Variants in PTDSS1 observed in about 807,000 individuals in gnomAD.
The protein encoded by PTDSS1 is phosphatidylserine synthase 1.
A neutral mutation model predicts 70.5 loss-of-function variants in PTDSS1; 45 were observed. That is an observed-to-expected ratio of 0.64 (90% confidence interval 0.50 to 0.82). The LOEUF is 0.82. Ranked by LOEUF, PTDSS1 falls within the 40% of genes least tolerant of loss-of-function variation. The pLI, the probability that PTDSS1 is intolerant of heterozygous loss-of-function variation, is 0.00. For synonymous variants in PTDSS1, 188 were observed against 203.8 expected (o/e 0.92, Z 0.66); for missense variants, 417 against 586.1 (o/e 0.71, Z 2.98).
At chr8:96,287,714 A>C (rs964456192) in intron 4 of PTDSS1, among the ~76,000 whole-genome samples, 3 of 148,912 alleles carry the variant, frequency 2.0e-5, no homozygotes, top group Non-Finnish European at 3.0e-5. Flanking sequence ...GTCATGAATT[A>C]GTTTATTTCA....
intron 4 of PTDSS1, among the ~76,000 whole-genome samples, chr8:96,293,781 A>G (rs1262916462): frequency 6.6e-6 from 1 of 152,324 alleles, no homozygotes; most frequent in East Asian, 1.9e-4. Flanking sequence ...AACAGATCTT[A>G]CCCCTTCCTT....
chr8:96,332,242 G>A (rs952160361), intron 12 of PTDSS1, among the ~76,000 whole-genome samples: 2 of 152,132 alleles, frequency 1.3e-5, no homozygotes, highest in African/African-American at 2.4e-5. Flanking sequence ...TAATGACATT[G>A]AGGTGATTTC....
intron 7 of PTDSS1, among the ~76,000 whole-genome samples, 156 bp downstream of exon 7, chr8:96,304,337 G>A (rs902535208): frequency 6.6e-6 from 1 of 152,206 alleles, no homozygotes; most frequent in Non-Finnish European, 1.5e-5. Context: ...ATTAAGCAAA[G>A]TGATGTTGTT....
rs1344657983 is a variant in PTDSS1 at position 96,333,599 on chromosome 8, G to A, written c.*33G>A. ...TGGTTAATCAAAGATGTTCCAGAGT[G>A]CCTAGAACTGAGAGGGAAATGGAAC... is the stretch of plus-strand genomic sequence containing the variant. On this transcript the variant is annotated 3_prime_UTR_variant, in exon 13 of 13. Coordinates refer to ENST00000517309, the MANE Select transcript of PTDSS1 (RefSeq NM_014754.3). The A allele has an allele frequency of 6.4e-6, 10 of 1,562,814 alleles. No individual in the cohort carries two copies. The African/African-American group carries it at 6.8e-5, about 11-fold the overall frequency.
chr8:96,327,916 A>G (rs1324623221), intron 10 of PTDSS1, among the ~76,000 whole-genome samples: 1 of 152,130 alleles, frequency 6.6e-6, no homozygotes, highest in Non-Finnish European at 1.5e-5. Flanking sequence ...GTACGTGCCT[A>G]GATTTCCACA....
intron 7 of PTDSS1, among the ~76,000 whole-genome samples, chr8:96,305,432 G>A (rs563702973): frequency 1.3e-5 from 2 of 152,288 alleles, no homozygotes; most frequent in South Asian, 4.1e-4. Flanking sequence ...TCCACCCCTT[G>A]TTTGCTACCT....
intron 10 of PTDSS1, among the ~76,000 whole-genome samples, chr8:96,328,490 T>C (rs986480400): frequency 2.0e-5 from 3 of 152,224 alleles, no homozygotes; most frequent in South Asian, 2.1e-4. Flanking sequence ...CGTGGCCTAA[T>C]TTTTTGATGG....
At chr8:96,271,623 AT>A (rs1329840313) in intron 1 of PTDSS1, among the ~76,000 whole-genome samples, 2 of 152,220 alleles carry the variant, frequency 1.3e-5, no homozygotes, top group Non-Finnish European at 2.9e-5. Flanking sequence ...ATAATGCCAA[AT>A]TGCCCTCCAT....
intron 4 of PTDSS1, among the ~76,000 whole-genome samples, chr8:96,290,730 C>G (rs1231852536): frequency 6.6e-6 from 1 of 151,916 alleles, no homozygotes; most frequent in Non-Finnish European, 1.5e-5. Context: ...TCCCTACTCT[C>G]TCCACTCCTT....
rs1811569057 is a variant in PTDSS1, at chr8:96,334,554, G to A, written c.*988G>A. The stretch of plus-strand genomic sequence containing the variant: ...CGATTCACTTTAAAGCCTATCAAAG[G>A]TCTGTCTGTAAAATGCTCATTTTCT... On this transcript the variant is annotated 3_prime_UTR_variant, in exon 13 of 13. Transcript: ENST00000517309. 6.6e-6 allele frequency: 1 copy of A among 152,592 alleles called. No individual in the cohort carries two copies. The highest frequency in any genetic ancestry group is 2.4e-5 in the African/African-American group (1 of 41,438). 9.5% of individuals were successfully genotyped at this position (152,592 alleles called of 1,614,324 possible).
chr8:96,328,882 A>G (rs1442372292), intron 10 of PTDSS1, among the ~76,000 whole-genome samples: 1 of 152,146 alleles, frequency 6.6e-6, no homozygotes, highest in Non-Finnish European at 1.5e-5. Flanking sequence ...GTTCTCAGGG[A>G]TGGATACATG....
At chr8:96,294,862 G>C (rs1044547948) in intron 4 of PTDSS1, among the ~76,000 whole-genome samples, 7 of 152,092 alleles carry the variant, frequency 4.6e-5, no homozygotes, top group Non-Finnish European at 8.8e-5. Flanking sequence ...AAATTATTTT[G>C]CTTCTCATTT....
intron 9 of PTDSS1, among the ~76,000 whole-genome samples, chr8:96,312,479 A>ATTT (rs1563579033): frequency 8.2e-5 from 12 of 146,588 alleles, no homozygotes; most frequent in African/African-American, 2.6e-4. Context: ...TTTTTTTTTA[A>ATTT]AAAAAAAAGG....
intron 12 of PTDSS1, 83 bp from the exon 13 acceptor site, chr8:96,333,374 G>C: frequency 2.4e-6 from 3 of 1,253,416 alleles, no homozygotes; most frequent in South Asian, 1.2e-5. Flanking sequence ...CCTGTTCCCC[G>C]GCAAGCCTAG....
chr8:96,283,823 T>C (rs1810781295), intron 2 of PTDSS1: 3 of 362,408 alleles, frequency 8.3e-6, no homozygotes, highest in Non-Finnish European at 1.5e-5. Flanking sequence ...TATTACAACA[T>C]TGTTTCCATG....
chr8:96,292,628 A>G (rs1810924006), intron 4 of PTDSS1, among the ~76,000 whole-genome samples: 2 of 152,236 alleles, frequency 1.3e-5, no homozygotes, highest in African/African-American at 2.4e-5. Context: ...CAGAGGAGCT[A>G]CATGACCTGT....
chr8:96,324,965 C>G (rs1252652077), intron 10 of PTDSS1, among the ~76,000 whole-genome samples: 9 of 152,334 alleles, frequency 5.9e-5, no homozygotes, highest in Admixed American at 5.2e-4. Context: ...GTACAGACCT[C>G]TTAGTCCGGG....
At chr8:96,276,202 G>A (rs930483068) in intron 2 of PTDSS1, among the ~76,000 whole-genome samples, 1 of 152,326 alleles carries the variant, frequency 6.6e-6, no homozygotes, top group Admixed American at 6.5e-5. Context: ...TTGTACAGGC[G>A]TCCCTTCTCT....
intron 5 of PTDSS1, among the ~76,000 whole-genome samples, chr8:96,297,145 C>T (rs550131588): frequency 6.6e-6 from 1 of 152,304 alleles, no homozygotes; most frequent in South Asian, 2.1e-4. Flanking sequence ...CAGACCAAGG[C>T]TCTTTCCTAC....
Sources: gnomAD v4.1 joint callset for allele counts (sites outside exome capture counted in the v4.1 genomes callset) on GRCh38, gnomAD v4.1.1 for gene constraint, MANE v1.5 for transcripts, NCBI Gene and HGNC (gene_info 2026-07-23, HGNC 2026-07-21) for gene names.